The following PDXDC1 variants were observed in gnomAD, a reference collection of about 807,000 sequenced individuals.
PDXDC1 encodes pyridoxal dependent decarboxylase domain containing 1.
Under a neutral mutation model 100.1 loss-of-function variants are expected in PDXDC1, and 42 were observed. The observed-to-expected ratio is 0.42, with a 90% CI of 0.33 to 0.54. The LOEUF is 0.54. Among genes scored for constraint, PDXDC1 ranks in the 20% least tolerant of loss-of-function variants. The probability of loss-of-function intolerance (pLI) is 0.10; values close to 1 mark genes in which losing one functional copy is unlikely to be tolerated. For synonymous variants in PDXDC1, 260 were observed against 371.7 expected, an observed-to-expected ratio of 0.70 and a Z score of 3.46; for missense variants, 636 against 979.2, an observed-to-expected ratio of 0.65 and a Z score of 4.68.
rs191962222 is a variant in PDXDC1 at position 15,011,140 on chromosome 16, G to C, written c.727+1381G>C. On this transcript the variant is annotated intron_variant, in intron 8 of 22. Transcript: ENST00000396410. ...GAACAGCCCAAGGGATTTTGAAAAA[G>C]AACAAAATTGGAAGACTTACCTTGT... is the stretch of plus-strand genomic sequence containing the variant. Among the ~76,000 whole-genome samples the C allele has an allele frequency of 1.5e-4, 23 of 152,406 alleles. No homozygotes were observed. In the East Asian group the frequency reaches 3.5e-3, roughly 23 times the overall value.
chr16:15,074,969 G>T, intron 16 of PDXDC1: 1 of 1,148,386 alleles, frequency 8.7e-7, no homozygotes, highest in Non-Finnish European at 1.2e-6. Context: ...AAACAAAGAG[G>T]CTGGGGAAAG....
intron 16 of PDXDC1, among the ~76,000 whole-genome samples, chr16:15,051,646 G>GGCTAATGTT (rs1215834725): frequency 6.6e-6 from 1 of 150,782 alleles, no homozygotes; most frequent in Non-Finnish European, 1.5e-5. Context: ...CACCACACTT[G>GGCTAATGTT]TGCTAGGATT....
chr16:15,096,931 G>A (rs977629625), intron 16 of PDXDC1, among the ~76,000 whole-genome samples: 2 of 152,148 alleles, frequency 1.3e-5, no homozygotes, highest in African/African-American at 4.8e-5. Context: ...GCCTCCCAAA[G>A]TGTGTCTCCC....
chr16:15,056,014 CCCCG>C, intron 16 of PDXDC1: 1 of 1,072,382 alleles, frequency 9.3e-7, no homozygotes, highest in Non-Finnish European at 1.2e-6. Context: ...GGCGGCGGCC[CCCCG>C]CTTTGCAGCC....
chr16:15,127,790 A>G (rs768165845), intron 16 of PDXDC1: 15 of 1,557,352 alleles, frequency 9.6e-6, no homozygotes, highest in Non-Finnish European at 1.3e-5. Context: ...CGAGTGAAAC[A>G]GCTACGAGGC....
At chr16:15,071,925 G>A (rs2045249204) in intron 16 of PDXDC1, among the ~76,000 whole-genome samples, 1 of 152,086 alleles carries the variant, frequency 6.6e-6, no homozygotes, top group South Asian at 2.1e-4. Flanking sequence ...ACATCCCATG[G>A]AGCTCCACAT....
chr16:15,029,823 G>C (rs140699316), intron 15 of PDXDC1, 128 bp from the exon 16 acceptor site: 23,952 of 732,352 alleles, frequency 0.033, 1 homozygote, highest in Non-Finnish European at 0.041. Flanking sequence ...TAAGTAATCA[G>C]ACAGTCAAAA....
intron 16 of PDXDC1, among the ~76,000 whole-genome samples, chr16:15,069,661 C>G (rs2045139050): frequency 6.6e-6 from 1 of 152,168 alleles, no homozygotes; most frequent in Admixed American, 6.5e-5. Context: ...AATGACTTTC[C>G]TGTGCTTTAG....
At chr16:15,034,717 C>G (rs1481112871) in intron 21 of PDXDC1, among the ~76,000 whole-genome samples, 164 bp downstream of exon 21, 4 of 151,580 alleles carry the variant, frequency 2.6e-5, no homozygotes, top group African/African-American at 7.3e-5. Flanking sequence ...GTGCCCTGTC[C>G]TCCTCCCCAC....
chr16:15,087,740 T>C (rs1422872283), intron 16 of PDXDC1, among the ~76,000 whole-genome samples: 1 of 152,144 alleles, frequency 6.6e-6, no homozygotes, highest in Non-Finnish European at 1.5e-5. Flanking sequence ...AGTGTACAAA[T>C]AAAATAAACT....
intron 15 of PDXDC1, chr16:15,029,701 G>C: frequency 1.7e-6 from 1 of 575,978 alleles, no homozygotes; most frequent in Non-Finnish European, 3.1e-6. Flanking sequence ...AATATATTGT[G>C]GGTCATTGTT....
intron 1 of PDXDC1, among the ~76,000 whole-genome samples, chr16:14,992,904 C>T (rs57212136): frequency 0.025 from 3,779 of 149,434 alleles, no homozygotes; most frequent in East Asian, 0.051. Flanking sequence ...CAGGCTGGAG[C>T]GCAGTGACAC....
At chr16:14,982,765 G>T (rs571738247) in intron 1 of PDXDC1, among the ~76,000 whole-genome samples, 1,845 of 151,740 alleles carry the variant, frequency 0.012, no homozygotes, top group Non-Finnish European at 0.02. Flanking sequence ...CTTCTCAGTG[G>T]TATGTATTAT....
chr16:15,043,301 G>A (rs1293419174), downstream of PDXDC1, among the ~76,000 whole-genome samples: 1 of 152,216 alleles, frequency 6.6e-6, no homozygotes, highest in African/African-American at 2.4e-5. Context: ...CTCCCAAAGT[G>A]CTGGGATTAC....
rs559009597 is a variant in PDXDC1, at chr16:15,131,510, G to A, written c.1400-7369G>A. 3.5e-4 allele frequency: 563 copies of A among 1,608,176 alleles called. 4 individuals carry two copies. In the South Asian group the frequency reaches 5.2e-3, roughly 15 times the overall value. On this transcript the variant is annotated intron_variant, in intron 16 of 16. Transcript: ENST00000535621. ...CACAGCAGGCTCCGCGGGTCCGAGC[G>A]CTTGCCCTGGGCCACGATCTCCTCG...
chr16:15,140,164 G>A (rs1239413205), downstream of PDXDC1, among the ~76,000 whole-genome samples: 1 of 148,330 alleles, frequency 6.7e-6, no homozygotes, highest in Admixed American at 6.8e-5. Context: ...AGGGGAAAGA[G>A]CCGGGTGCAA....
intron 16 of PDXDC1, among the ~76,000 whole-genome samples, chr16:15,122,794 C>T (rs1192113950): frequency 1.6e-4 from 14 of 86,946 alleles, no homozygotes; most frequent in African/African-American, 2.2e-4. Flanking sequence ...GGGAAGGGGA[C>T]GGGGACTGGG....
At chr16:15,033,919 G>A (rs1036603558) in intron 19 of PDXDC1, among the ~76,000 whole-genome samples, 7 of 152,182 alleles carry the variant, frequency 4.6e-5, no homozygotes, top group African/African-American at 1.7e-4. Context: ...CTCAAAAGGA[G>A]AGAAGAGGGA....
intron 16 of PDXDC1, among the ~76,000 whole-genome samples, chr16:15,047,002 C>T (rs887612786): frequency 2.0e-5 from 3 of 152,172 alleles, no homozygotes; most frequent in African/African-American, 4.8e-5. Flanking sequence ...TACAGTCTCT[C>T]GGCTTCGGAA....
Sources: gnomAD v4.1 joint callset for allele counts (sites outside exome capture counted in the v4.1 genomes callset) on GRCh38, gnomAD v4.1.1 for gene constraint, MANE v1.5 for transcripts, NCBI Gene and HGNC (gene_info 2026-07-23, HGNC 2026-07-21) for gene names.